Variants in ZDHHC19 observed in about 807,000 individuals in gnomAD.
The protein encoded by ZDHHC19 is palmitoyltransferase ZDHHC19.
A neutral mutation model predicts 33.9 loss-of-function variants in ZDHHC19; 30 were observed. The observed-to-expected ratio is 0.88, with a 90% confidence interval of 0.66 to 1.20. The LOEUF (loss-of-function observed/expected upper bound fraction) is 1.20, where lower values mean the gene tolerates loss of function less well. Among genes scored for constraint, ZDHHC19 ranks in the 50% most tolerant of loss-of-function variants. ZDHHC19 has a pLI of 0.00. For synonymous variants in ZDHHC19, 178 were observed against 167.6 expected (o/e 1.06, Z -0.48); for missense variants, 364 against 401.1 (o/e 0.91, Z 0.79).
At chr3:196,208,931 T>C in intron 3 of ZDHHC19, 1 of 292,744 alleles carries the variant, frequency 3.4e-6, no homozygotes, top group Non-Finnish European at 6.5e-6. Flanking sequence ...GCCAGCCTCC[T>C]GCACTTGTAA....
rs1157154578 is a variant in ZDHHC19 at position 196,211,215 on chromosome 3, T to C, written c.101A>G (p.Asn34Ser). The change falls in exon 1 of 8, where the codon AAT (asparagine) becomes AGT (serine). Residue 34 changes from asparagine to serine, a missense_variant. Transcript: ENST00000296326. Reference protein sequence around the residue: ...WFLPSLFAAFNVVLLVFFSGL... With the variant: ...WFLPSLFAAFSVVLLVFFSGL... The stretch of plus-strand genomic sequence containing the variant: ...ACTGAAAAAGACCAGCAGCACCACA[T>C]TGAAGGCAGCAAAGAGGCTAGGGAG... The C allele has an allele frequency of 1.4e-5, 23 of 1,613,918 alleles. No individual in the cohort carries two copies. The highest frequency in any genetic ancestry group is 2.2e-5 in the South Asian group (2 of 91,078).
Position 196,203,088 on chromosome 3 carries a change from C to T in ZDHHC19, c.688-4214G>A, listed in dbSNP as rs535350484. 4.0e-5 allele frequency among the ~76,000 whole-genome samples: 6 copies of T among 151,898 alleles called. No individual in the cohort carries two copies. The highest frequency in any genetic ancestry group is 1.2e-4 in the African/African-American group (5 of 41,402). Reference sequence around the variant, plus strand: ...CAGCCTGGCCAACATGGTGAAACCCCGTCTCTACTAAAAATACAAAAAATC... The same window carrying T: ...CAGCCTGGCCAACATGGTGAAACCCTGTCTCTACTAAAAATACAAAAAATC... On this transcript the variant is annotated intron_variant, in intron 5 of 7. Transcript: ENST00000296326. The surrounding 1 kb of genome is among the most constrained non-coding windows in gnomAD (Gnocchi z 4.3).
chr3:196,209,871 C>A (rs1289465709), intron 2 of ZDHHC19, among the ~76,000 whole-genome samples: 2 of 152,216 alleles, frequency 1.3e-5, no homozygotes, highest in Non-Finnish European at 2.9e-5. Flanking sequence ...CTCAACAATT[C>A]TGTTTTTCCA....
At position 196,210,692 on chromosome 3, in the gene ZDHHC19, G is replaced by A; in HGVS notation, c.192C>T (p.Ile64=). ...AQNGEWAFPV[I]TGSLFVLTFF... Reference sequence around the variant, plus strand: ...AGGTAAGGACAAAGAGGGAGCCTGTGATAACAGGAAAGGCCCACTCCCCGT... The same window carrying A: ...AGGTAAGGACAAAGAGGGAGCCTGTAATAACAGGAAAGGCCCACTCCCCGT... Residue 64 remains isoleucine (I), a synonymous_variant, in exon 2 of 8, where the codon ATC becomes ATT. Transcript: ENST00000296326. 1 of 1,614,052 alleles carries A rather than the reference G, an allele frequency of 6.2e-7. No individual in the cohort carries two copies. The highest frequency in any genetic ancestry group is 8.5e-7 in the Non-Finnish European group (1 of 1,179,982).
Position 196,210,267 on chromosome 3 carries a change from AG to A in ZDHHC19, c.268+348del, listed in dbSNP as rs768816752. ...AAAGAAAGAAAAAGAAAGAAAGAAA[AG>A]AGAAAGAAAGAAAGAAAGAAGGAAG... On this transcript the variant is annotated intron_variant, in intron 2 of 7. Coordinates refer to ENST00000296326, the MANE Select transcript of ZDHHC19 (RefSeq NM_001039617.2). Among the ~76,000 whole-genome samples, 28 of 62,040 alleles carry A rather than the reference AG, an allele frequency of 4.5e-4. No individual in the cohort carries two copies. In the South Asian group the frequency reaches 7.9e-3, roughly 17 times the overall value. The allele number at this position is 62,040 out of a possible 152,430, so 40.7% of individuals were successfully genotyped here.
intron 6 of ZDHHC19, 60 bp from the exon 7 acceptor site, chr3:196,198,511 C>T (rs546515206): frequency 1.2e-5 from 19 of 1,591,702 alleles, no homozygotes; most frequent in Admixed American, 5.4e-5. Flanking sequence ...CTCCCCTGCC[C>T]GCCTCAGCTT....
Position 196,206,775 on chromosome 3 carries a change from G to C in ZDHHC19, c.687+623C>G, listed in dbSNP as rs112212659. 1.6e-3 allele frequency among the ~76,000 whole-genome samples: 235 copies of C among 149,380 alleles called. 1 individual carries two copies. Among genetic ancestry groups the C allele is most frequent in the African/African-American group, 5.5e-3 (221 of 40,326 alleles). On this transcript the variant is annotated intron_variant, in intron 5 of 7. Coordinates refer to ENST00000296326, the MANE Select transcript of ZDHHC19 (RefSeq NM_001039617.2). ...GGCTCACTGCAAGCTCCGCCTCTCC[G>C]GTTCACGCCATTCCCCAGCCTGGAC...
chr3:196,208,316 T>C lies in ZDHHC19; in HGVS notation c.581+72A>G, dbSNP rs572926137. ...GCTTCTCCCTCTAGCCCCGCCCCCA[T>C]AGCCCCGCCCTCTGCAGCCCCCTCC... On this transcript the variant is annotated intron_variant, in intron 4 of 7. Transcript: ENST00000296326. The C allele has an allele frequency of 1.6e-5, 17 of 1,093,722 alleles. 1 individual carries two copies. In the South Asian group the frequency reaches 2.2e-4, roughly 14 times the overall value. The allele number at this position is 1,093,722 out of a possible 1,614,324, so 67.8% of individuals were successfully genotyped here. A position where few individuals can be genotyped will look rare whatever the true frequency, so the allele number is the denominator to read the frequency against.
At position 196,211,396 on chromosome 3, in the gene ZDHHC19, A is replaced by G. The variant is rs977540191; in HGVS notation, c.-81T>C. 2 of 1,498,550 alleles carry G rather than the reference A, an allele frequency of 1.3e-6. No individual in the cohort carries two copies. Among genetic ancestry groups the G allele is most frequent in the Non-Finnish European group, 1.8e-6 (2 of 1,116,672 alleles). 92.8% of individuals were successfully genotyped at this position (1,498,550 alleles called of 1,614,324 possible). A position where few individuals can be genotyped will look rare whatever the true frequency, so the allele number is the denominator to read the frequency against. The stretch of plus-strand genomic sequence containing the variant: ...GCCCAGCTTCCAGAGCTCCATGGCC[A>G]CGGCAGCCTCAGAGCCGCAGCCCAG... On this transcript the variant is annotated 5_prime_UTR_variant, in exon 1 of 8. Transcript: ENST00000296326.
rs1365573396 is a variant in ZDHHC19, at chr3:196,208,505, C to A, written c.464G>T (p.Arg155Leu). The change falls in exon 4 of 8, where the codon CGC becomes CTC. Residue 155 changes from arginine (R) to leucine (L), a missense_variant. Transcript: ENST00000296326. The stretch of plus-strand genomic sequence containing the variant: ...GGACAGGACAAGCAGCATGAAGAAG[C>A]GGAAGTTGCGGTGACCGATGCAGTT... ...VNNCIGHRNFRFFMLLVLSLC... is the reference protein window; with the variant it reads ...VNNCIGHRNFLFFMLLVLSLC... The A allele has an allele frequency of 6.8e-6, 11 of 1,614,050 alleles. No homozygotes were observed. The African/African-American group carries it at 1.5e-4, about 22-fold the overall frequency.
At chr3:196,201,565 G>C (rs556287411) in intron 5 of ZDHHC19, among the ~76,000 whole-genome samples, 1 of 151,674 alleles carries the variant, frequency 6.6e-6, no homozygotes, top group Admixed American at 6.6e-5. Flanking sequence ...TACTAAAAAT[G>C]CAAAAATTAG....
At chr3:196,209,338 T>A in intron 3 of ZDHHC19, 38 bp downstream of exon 3, 2 of 1,563,204 alleles carry the variant, frequency 1.3e-6, no homozygotes, top group Non-Finnish European at 1.7e-6. Context: ...CAGCCAGATG[T>A]GGGGCGATGG....
chr3:196,211,028 A>G, intron 1 of ZDHHC19, 142 bp downstream of exon 1: 1 of 1,399,044 alleles, frequency 7.1e-7, no homozygotes, highest in Non-Finnish European at 9.8e-7. Context: ...GCACCTTTGC[A>G]CGTCGGTTCC....
At chr3:196,201,840 G>A (rs11185516) in intron 5 of ZDHHC19, among the ~76,000 whole-genome samples, 59,067 of 151,978 alleles carry the variant, frequency 0.39, 11,825 homozygotes, top group South Asian at 0.51. Context: ...GACACTCCAC[G>A]GGACCAAAGC....
intron 5 of ZDHHC19, among the ~76,000 whole-genome samples, chr3:196,200,694 C>T (rs992678050): frequency 1.3e-5 from 2 of 149,486 alleles, no homozygotes; most frequent in Admixed American, 6.7e-5. Flanking sequence ...GCTCTTGTTG[C>T]CCAGGCTGGA....
intron 3 of ZDHHC19, 155 bp downstream of exon 3, chr3:196,209,219 CAT>C (rs1166813174): frequency 2.9e-6 from 3 of 1,049,312 alleles, no homozygotes; most frequent in Non-Finnish European, 2.7e-6. Flanking sequence ...GTGGAGAACA[CAT>C]GAGTGACCAA....
intron 3 of ZDHHC19, 125 bp from the exon 4 acceptor site, chr3:196,208,685 C>T: frequency 8.8e-7 from 1 of 1,131,434 alleles, no homozygotes; most frequent in Non-Finnish European, 1.2e-6. Context: ...CACTGGCTTC[C>T]ACCCCCAGGG....
At chr3:196,199,828 C>T (rs1028899387) in intron 5 of ZDHHC19, among the ~76,000 whole-genome samples, 4 of 151,700 alleles carry the variant, frequency 2.6e-5, no homozygotes, top group South Asian at 2.1e-4. Context: ...GCCTGTGATC[C>T]CAGCTACTCG....
chr3:196,209,583 C>T lies in ZDHHC19; in HGVS notation c.269-68G>A, dbSNP rs73212123. On this transcript the variant is annotated intron_variant, in intron 2 of 7. Coordinates refer to ENST00000296326, the MANE Select transcript of ZDHHC19 (RefSeq NM_001039617.2). ...TCACCCCGCGGCGGGGGCAGCTCCACGGCATCACAGGGCACAAGGAAGGGT... is the reference window on the plus strand; with the variant it reads ...TCACCCCGCGGCGGGGGCAGCTCCATGGCATCACAGGGCACAAGGAAGGGT... 7.9e-3 allele frequency: 12,213 copies of T among 1,554,860 alleles called. 49 individuals are homozygous for T. The highest frequency in any genetic ancestry group is 9.3e-3 in the Non-Finnish European group (10,734 of 1,149,222).
Sources: allele counts gnomAD v4.1 joint callset (sites outside exome capture counted in the v4.1 genomes callset), GRCh38; gene constraint gnomAD v4.1.1; non-coding constraint Gnocchi (gnomAD v3.1); transcripts MANE v1.5; gene names NCBI Gene and HGNC (gene_info 2026-07-23, HGNC 2026-07-21).